The following CCDC171 variants were observed in gnomAD, a reference collection of about 807,000 sequenced individuals.
CCDC171 encodes the protein coiled-coil domain-containing protein 171.
A neutral mutation model predicts 168.2 loss-of-function variants in CCDC171; 177 were observed. The ratio of observed to expected loss-of-function variants is 1.05; its 90% CI spans 0.93 to 1.19. The LOEUF is 1.19. Ranked by LOEUF, CCDC171 falls within the 50% of genes most tolerant of loss-of-function variation. The pLI is 0.00. For missense variants in CCDC171, 1,991 were observed against 1,539.0 expected (o/e 1.29, Z -4.91); for synonymous variants, 687 against 540.8 (o/e 1.27, Z -3.75).
At chr9:16,018,621 G>T (rs112596818) in intron 3 of CCDC171, among the ~76,000 whole-genome samples, 1 of 152,170 alleles carries the variant, frequency 6.6e-6, no homozygotes, top group Non-Finnish European at 1.5e-5. Flanking sequence ...TACTAGGGCC[G>T]CTGTGTTGTA....
At chr9:15,903,113 T>C (rs990555540) in intron 24 of CCDC171, among the ~76,000 whole-genome samples, 1 of 152,196 alleles carries the variant, frequency 6.6e-6, no homozygotes, top group Non-Finnish European at 1.5e-5. Flanking sequence ...GGGTTGAGCA[T>C]TGCCAAACAA....
intron 21 of CCDC171, among the ~76,000 whole-genome samples, chr9:15,837,338 A>T (rs2060495503): frequency 1.3e-5 from 2 of 152,220 alleles, no homozygotes; most frequent in Admixed American, 1.3e-4. Flanking sequence ...TGGGTTGGTT[A>T]CAGAGGGATC....
At chr9:15,912,659 A>T (rs1030244643) in intron 24 of CCDC171, among the ~76,000 whole-genome samples, 1 of 152,120 alleles carries the variant, frequency 6.6e-6, no homozygotes, top group Non-Finnish European at 1.5e-5. Flanking sequence ...ATTCAGTATG[A>T]TATTGGCTGT....
intron 3 of CCDC171, among the ~76,000 whole-genome samples, chr9:15,990,946 A>C (rs1382436074): frequency 1.3e-5 from 2 of 152,182 alleles, no homozygotes; most frequent in Non-Finnish European, 2.9e-5. Context: ...GAGACCTACA[A>C]AGAGACTTAG....
chr9:15,572,700 G>T (rs1263771868), intron 3 of CCDC171, among the ~76,000 whole-genome samples: 1 of 152,096 alleles, frequency 6.6e-6, no homozygotes, highest in East Asian at 1.9e-4. Context: ...TCCACAACAT[G>T]TTGCTGTTAT....
intron 16 of CCDC171, among the ~76,000 whole-genome samples, chr9:15,742,890 T>G (rs74939311): frequency 0.016 from 2,476 of 152,148 alleles, 36 homozygotes; most frequent in Admixed American, 0.047. Flanking sequence ...CCTCCCACCT[T>G]CACCCTCTTG....
downstream of CCDC171, among the ~76,000 whole-genome samples, chr9:15,977,545 A>G (rs949892294): frequency 3.3e-5 from 5 of 152,208 alleles, no homozygotes; most frequent in Non-Finnish European, 5.9e-5. Context: ...AAGCCCTACA[A>G]CATATAAAGC....
chr9:15,904,552 C>CA (rs1822228869), intron 24 of CCDC171, among the ~76,000 whole-genome samples: 1 of 152,056 alleles, frequency 6.6e-6, no homozygotes, highest in African/African-American at 2.4e-5. Flanking sequence ...CAACCAGTAC[C>CA]AGCCACTGCA....
chr9:15,945,387 A>G (rs1320608803), intron 25 of CCDC171, among the ~76,000 whole-genome samples: 1 of 149,320 alleles, frequency 6.7e-6, no homozygotes, highest in Non-Finnish European at 1.5e-5. Context: ...TCCTTTGGGT[A>G]TATACCCAGT....
intron 25 of CCDC171, among the ~76,000 whole-genome samples, chr9:15,951,978 T>C (rs921468682): frequency 3.3e-5 from 5 of 152,194 alleles, no homozygotes; most frequent in African/African-American, 1.2e-4. Flanking sequence ...TGTTTTCTTC[T>C]AAAAATTTTA....
At chr9:15,933,474 T>A (rs946616345) in intron 25 of CCDC171, among the ~76,000 whole-genome samples, 2 of 151,994 alleles carry the variant, frequency 1.3e-5, no homozygotes, top group Non-Finnish European at 2.9e-5. Flanking sequence ...AGTTTATTAA[T>A]CTTTTAAATT....
chr9:15,559,864 T>C (rs769692916), intron 1 of CCDC171, among the ~76,000 whole-genome samples: 5 of 152,158 alleles, frequency 3.3e-5, no homozygotes, highest in Non-Finnish European at 7.4e-5. Context: ...TTGCAGTGGC[T>C]GGTACCGGTT....
intron 25 of CCDC171, among the ~76,000 whole-genome samples, chr9:15,935,377 T>C (rs1826993471): frequency 6.6e-6 from 1 of 152,036 alleles, no homozygotes; most frequent in Non-Finnish European, 1.5e-5. Flanking sequence ...GTCTTGGTTT[T>C]CCTGGCTGTA....
At position 15,778,899 on chromosome 9, in the gene CCDC171, A is replaced by T. The variant is rs1023138069; in HGVS notation, c.2899-69A>T. On this transcript the variant is annotated intron_variant, in intron 19 of 25. Transcript: ENST00000380701. Reference sequence around the variant, plus strand: ...TAATCTAAGTTACATTTAATTTAGTAAAATGGTTATTGCTATTGTTAGTAA... The same window carrying T: ...TAATCTAAGTTACATTTAATTTAGTTAAATGGTTATTGCTATTGTTAGTAA... 101 of 1,108,954 alleles carry T rather than the reference A, an allele frequency of 9.1e-5. No homozygotes were observed. In the Middle Eastern group the frequency reaches 1.8e-3, roughly 19 times the overall value. 68.7% of individuals were successfully genotyped at this position (1,108,954 alleles called of 1,614,324 possible).
chr9:15,725,760 A>G (rs925481847), intron 14 of CCDC171, among the ~76,000 whole-genome samples: 2 of 152,126 alleles, frequency 1.3e-5, no homozygotes, highest in Admixed American at 6.6e-5. Context: ...TAGTTTCCTT[A>G]TTTGTAAAAC....
the CCDC171 span, among the ~76,000 whole-genome samples, chr9:16,067,031 T>C: frequency 1.4e-3 from 216 of 152,162 alleles, no homozygotes; most frequent in African/African-American, 4.0e-3. Flanking sequence ...CCTGAGGAAT[T>C]GCCACACTGA....
At chr9:15,731,740 GAT>G (rs2054164068) in intron 16 of CCDC171, among the ~76,000 whole-genome samples, 1 of 151,984 alleles carries the variant, frequency 6.6e-6, no homozygotes, top group African/African-American at 2.4e-5. Flanking sequence ...CAGGTCATGG[GAT>G]ATATGTGTGT....
At chr9:15,958,019 T>G (rs1013341279) in intron 25 of CCDC171, among the ~76,000 whole-genome samples, 1 of 152,124 alleles carries the variant, frequency 6.6e-6, no homozygotes, top group Middle Eastern at 3.2e-3. Flanking sequence ...CTCTGTGAAA[T>G]AAAAATATTT....
chr9:15,854,282 T>C (rs565366024), intron 23 of CCDC171, among the ~76,000 whole-genome samples: 3 of 151,742 alleles, frequency 2.0e-5, no homozygotes, highest in South Asian at 2.1e-4. Context: ...TTTCTCGTTA[T>C]AGATTTCAGA....
Sources: allele counts gnomAD v4.1 joint callset (sites outside exome capture counted in the v4.1 genomes callset), GRCh38; gene constraint gnomAD v4.1.1; transcripts MANE v1.5; gene names NCBI Gene and HGNC (gene_info 2026-07-23, HGNC 2026-07-21).